The following PIK3C2G variants were observed in gnomAD, a reference collection of about 807,000 sequenced individuals.
PIK3C2G encodes the protein phosphatidylinositol 3-kinase C2 domain-containing subunit gamma.
PIK3C2G carries 168 observed loss-of-function variants against 181.1 expected under a neutral mutation model. The observed-to-expected ratio is 0.93, with a 90% CI of 0.82 to 1.05. PIK3C2G has a LOEUF of 1.05. PIK3C2G is among the 50% of genes least tolerant of loss of function. The pLI, the probability that PIK3C2G is intolerant of heterozygous loss-of-function variation, is 0.00. For missense variants in PIK3C2G, 1,869 were observed against 1,732.8 expected, an observed-to-expected ratio of 1.08 and a Z score of -1.40; for synonymous variants, 573 against 592.2, an observed-to-expected ratio of 0.97 and a Z score of 0.47.
chr12:18,274,788 A>T (rs1948910190), intron 1 of PIK3C2G, among the ~76,000 whole-genome samples: 1 of 152,100 alleles, frequency 6.6e-6, no homozygotes, highest in South Asian at 2.1e-4. Context: ...ATGTACCCTA[A>T]AACTTAAAGT....
chr12:18,424,132 T>C, intron 18 of PIK3C2G, 93 bp downstream of exon 18: 1 of 740,822 alleles, frequency 1.3e-6, no homozygotes, highest in African/African-American at 1.7e-5. Flanking sequence ...CTTTACCTTA[T>C]AATTGATACA....
At chr12:18,516,308 T>C (rs2136162128) in intron 24 of PIK3C2G, among the ~76,000 whole-genome samples, 1 of 151,974 alleles carries the variant, frequency 6.6e-6, no homozygotes, top group Non-Finnish European at 1.5e-5. Context: ...TATCCTGCTT[T>C]CTCCTGCCCT....
At chr12:18,294,789 A>C (rs1218839860) in intron 5 of PIK3C2G, among the ~76,000 whole-genome samples, 1 of 151,964 alleles carries the variant, frequency 6.6e-6, no homozygotes, top group Non-Finnish European at 1.5e-5. Context: ...ATCCCTATTT[A>C]TATATCCCCT....
intron 26 of PIK3C2G, among the ~76,000 whole-genome samples, chr12:18,553,684 A>T (rs1348655021): frequency 2.0e-5 from 3 of 152,148 alleles, no homozygotes; most frequent in Non-Finnish European, 4.4e-5. Context: ...AAGAAATAAA[A>T]TAAGAAAATA....
At position 18,293,935 on chromosome 12, in the gene PIK3C2G, T is replaced by G; in HGVS notation, c.954T>G (p.Ile318Met). ...TTGTCAAAGATCTAATTGCAGAAAT[T>G]CTGCATTTTTGCACAAATGACCAGC... is the stretch of plus-strand genomic sequence containing the variant. ...NYLVKDLIAE[I>M]LHFCTNDQLL... is the part of the protein sequence containing the mutation. The change falls in exon 5 of 33, where the codon ATT becomes ATG. Residue 318 changes from isoleucine to methionine, a missense_variant. Coordinates refer to ENST00000538779, the MANE Select transcript of PIK3C2G (RefSeq NM_001288772.2). 7.6e-6 allele frequency: 12 copies of G among 1,585,866 alleles called. No individual in the cohort carries two copies. The highest frequency in any genetic ancestry group is 1.0e-5 in the Non-Finnish European group (12 of 1,154,398).
At chr12:18,312,291 T>C (rs1950671862) in intron 5 of PIK3C2G, among the ~76,000 whole-genome samples, 1 of 152,126 alleles carries the variant, frequency 6.6e-6, no homozygotes, top group African/African-American at 2.4e-5. Context: ...CGCAGGTGGA[T>C]AAAATAAAGA....
intron 31 of PIK3C2G, among the ~76,000 whole-genome samples, chr12:18,615,333 GT>G (rs1172983166): frequency 2.5e-5 from 1 of 40,656 alleles, no homozygotes; most frequent in African/African-American, 1.2e-4. Context: ...ATTCCACGGT[GT>G]GTGTGTGTGT....
At chr12:18,323,998 A>G (rs929453616) in intron 7 of PIK3C2G, among the ~76,000 whole-genome samples, 4 of 152,076 alleles carry the variant, frequency 2.6e-5, no homozygotes, top group Admixed American at 1.3e-4. Context: ...AGGTGGGCGG[A>G]TCATGAGGTC....
intron 29 of PIK3C2G, 26 bp from the exon 30 acceptor site, chr12:18,594,468 A>G: frequency 7.1e-7 from 1 of 1,410,704 alleles, no homozygotes; most frequent in Non-Finnish European, 9.7e-7. Context: ...AAATAAAGAA[A>G]TATTATGTTT....
At chr12:18,600,402 CAAAACT>C (rs148294152) in intron 30 of PIK3C2G, among the ~76,000 whole-genome samples, 1,887 of 151,870 alleles carry the variant, frequency 0.012, 49 homozygotes, top group African/African-American at 0.043. Flanking sequence ...CCATGAAAGA[CAAAACT>C]ATGCTCAGAG....
chr12:18,676,578 G>C, the PIK3C2G span, among the ~76,000 whole-genome samples: 2 of 151,434 alleles, frequency 1.3e-5, no homozygotes, highest in African/African-American at 4.8e-5. Flanking sequence ...TAAGAAGGGA[G>C]TGTATTTCTT....
At chr12:18,251,281 AT>A (rs1459068476) in intron 1 of PIK3C2G, among the ~76,000 whole-genome samples, 4 of 152,034 alleles carry the variant, frequency 2.6e-5, no homozygotes, top group Non-Finnish European at 5.9e-5. Flanking sequence ...TATATTTAGA[AT>A]GGAAAAGTCC....
intron 15 of PIK3C2G, among the ~76,000 whole-genome samples, chr12:18,394,189 T>G (rs974446326): frequency 6.6e-6 from 1 of 152,040 alleles, no homozygotes; most frequent in African/African-American, 2.4e-5. Context: ...ACATTAGGAT[T>G]AAGTCCACTC....
chr12:18,641,692 G>A (rs1565591517), intron 32 of PIK3C2G, among the ~76,000 whole-genome samples: 3 of 149,528 alleles, frequency 2.0e-5, no homozygotes, highest in Admixed American at 1.3e-4. Flanking sequence ...ATCACCTATA[G>A]GTAGGTTGCA....
chr12:18,512,341 G>T (rs1460820218), intron 24 of PIK3C2G, among the ~76,000 whole-genome samples: 1 of 149,442 alleles, frequency 6.7e-6, no homozygotes, highest in East Asian at 1.9e-4. Flanking sequence ...CCATTTGTGT[G>T]AAAAAAAAAT....
chr12:18,353,613 G>A (rs553404038), intron 11 of PIK3C2G, among the ~76,000 whole-genome samples: 3 of 152,236 alleles, frequency 2.0e-5, no homozygotes, highest in African/African-American at 7.2e-5. Flanking sequence ...TCTTTCTTGT[G>A]TCCCCCCATC....
intron 18 of PIK3C2G, among the ~76,000 whole-genome samples, chr12:18,467,903 G>C (rs916958969): frequency 6.6e-6 from 1 of 152,002 alleles, no homozygotes; most frequent in African/African-American, 2.4e-5. Flanking sequence ...CTAGGCTCAT[G>C]ATACCATTAT....
intron 31 of PIK3C2G, among the ~76,000 whole-genome samples, chr12:18,638,422 C>T (rs141838958): frequency 3.3e-5 from 5 of 152,242 alleles, no homozygotes; most frequent in African/African-American, 1.2e-4. Flanking sequence ...ACTTGATCAG[C>T]GACTTTCTAC....
Position 18,647,888 on chromosome 12 carries a change from G to T in PIK3C2G, c.4321G>T (p.Glu1441Ter). The change falls in exon 33 of 33, where the codon GAA (glutamate) becomes TAA (stop). Residue 1441 changes from glutamate to a stop codon, truncating the protein, a stop_gained. Transcript: ENST00000538779. LOFTEE classifies it high-confidence loss of function. ...PTYNEIVVYD[E>*]VTELQGHVLM... ...TCTCCGTTTTTAGGTAGTATATGATGAAGTCACAGAGCTCCAAGGACATGT... is the reference window on the plus strand; with the variant it reads ...TCTCCGTTTTTAGGTAGTATATGATTAAGTCACAGAGCTCCAAGGACATGT... 6.5e-7 allele frequency: 1 copy of T among 1,549,464 alleles called. No homozygotes were observed.
Sources: allele counts gnomAD v4.1 joint callset (sites outside exome capture counted in the v4.1 genomes callset), GRCh38; gene constraint gnomAD v4.1.1; transcripts MANE v1.5; gene names NCBI Gene and HGNC (gene_info 2026-07-23, HGNC 2026-07-21).